The following TTC3 variants were observed in gnomAD, a reference collection of about 807,000 sequenced individuals.
The protein encoded by TTC3 is tetratricopeptide repeat domain 3, also known as E3 ubiquitin-protein ligase TTC3.
In TTC3, 180 loss-of-function variants were observed where a neutral mutation model predicts 249.6. The ratio of observed to expected loss-of-function variants is 0.72; its 90% CI spans 0.64 to 0.82. TTC3 has a LOEUF of 0.82. Ranked by LOEUF, TTC3 falls within the 40% of genes least tolerant of loss-of-function variation. The pLI, the probability that TTC3 is intolerant of heterozygous loss-of-function variation, is 0.00. For synonymous variants in TTC3, 717 were observed against 805.0 expected, an observed-to-expected ratio of 0.89 and a Z score of 1.85; for missense variants, 2,061 against 2,398.4, an observed-to-expected ratio of 0.86 and a Z score of 2.94.
At chr21:37,121,671 C>T in intron 11 of TTC3, 146 bp from the exon 12 acceptor site, 1 of 710,014 alleles carries the variant, frequency 1.4e-6, no homozygotes, top group South Asian at 3.3e-5. Flanking sequence ...GAGGTATTAA[C>T]ATTTTACATT....
intron 1 of TTC3, among the ~76,000 whole-genome samples, chr21:37,077,118 CAG>C (rs1272139098): frequency 1.3e-5 from 2 of 150,006 alleles, no homozygotes; most frequent in East Asian, 2.0e-4. Flanking sequence ...TTTATGTTAT[CAG>C]GGTATATTTT....
intron 1 of TTC3, among the ~76,000 whole-genome samples, chr21:37,078,527 A>G (rs897548455): frequency 6.6e-6 from 1 of 151,858 alleles, no homozygotes; most frequent in Non-Finnish European, 1.5e-5. Context: ...TTCTGATGTT[A>G]TTGTTTTTGT....
At chr21:37,167,662 C>T (rs764354614) in intron 34 of TTC3, 42 bp downstream of exon 34, 1 of 1,498,252 alleles carries the variant, frequency 6.7e-7, no homozygotes, top group Non-Finnish European at 9.2e-7. Flanking sequence ...GTTTAGTTTT[C>T]ATTAATTTAT....
intron 35 of TTC3, among the ~76,000 whole-genome samples, chr21:37,178,568 A>T (rs2082467204): frequency 6.6e-6 from 1 of 152,168 alleles, no homozygotes; most frequent in Non-Finnish European, 1.5e-5. Flanking sequence ...GCATCTTTTC[A>T]TATGCTTATT....
intron 31 of TTC3, 74 bp from the exon 32 acceptor site, chr21:37,163,977 C>T (rs2081013164): frequency 6.8e-7 from 1 of 1,477,952 alleles, no homozygotes; most frequent in African/African-American, 1.4e-5. Flanking sequence ...TTCAATTAGA[C>T]ATTCTTCTGG....
intron 17 of TTC3, 127 bp from the exon 18 acceptor site, chr21:37,135,253 G>T (rs938467890): frequency 1.0e-5 from 10 of 981,458 alleles, no homozygotes; most frequent in African/African-American, 9.9e-5. Flanking sequence ...GATGAATAAG[G>T]GTAGTTTGGG....
At chr21:37,120,589 T>C (rs1187931934) in intron 11 of TTC3, among the ~76,000 whole-genome samples, 1 of 152,202 alleles carries the variant, frequency 6.6e-6, no homozygotes, top group African/African-American at 2.4e-5. Flanking sequence ...TCTTATACTT[T>C]AGGTGTCAGG....
At chr21:37,178,391 C>T (rs1173014644) in intron 35 of TTC3, among the ~76,000 whole-genome samples, 2 of 152,118 alleles carry the variant, frequency 1.3e-5, no homozygotes, top group African/African-American at 4.8e-5. Flanking sequence ...TGAGGAACTG[C>T]GAGCCTGTTC....
At chr21:37,139,363 C>T (rs886232032) in intron 19 of TTC3, among the ~76,000 whole-genome samples, 7 of 152,132 alleles carry the variant, frequency 4.6e-5, no homozygotes, top group African/African-American at 7.2e-5. Context: ...ATGCTCCTGC[C>T]TGGCTCTCCT....
At chr21:37,077,550 G>A (rs2071069570) in intron 1 of TTC3, among the ~76,000 whole-genome samples, 1 of 152,170 alleles carries the variant, frequency 6.6e-6, no homozygotes, top group African/African-American at 2.4e-5. Flanking sequence ...TATATACTTT[G>A]ATCAACAGTG....
chr21:37,150,749 T>A, intron 24 of TTC3, 71 bp from the exon 25 acceptor site: 1 of 966,156 alleles, frequency 1.0e-6, no homozygotes, highest in Non-Finnish European at 1.7e-6. Context: ...GAAATACTTG[T>A]TACTTGTGGT....
At chr21:37,129,224 A>G in intron 16 of TTC3, among the ~76,000 whole-genome samples, 161 bp downstream of exon 16, 1 of 152,228 alleles carries the variant, frequency 6.6e-6, no homozygotes, top group East Asian at 1.9e-4. Flanking sequence ...AGGAAAGGAT[A>G]ATTTTTGGCT....
At chr21:37,157,132 A>G (rs2080178034) in intron 28 of TTC3, 2 of 1,432,456 alleles carry the variant, frequency 1.4e-6, no homozygotes, top group Non-Finnish European at 1.9e-6. Context: ...ATGTTATGCT[A>G]ACAATACACA....
At chr21:37,165,890 T>G (rs1159918189) in exon 33 of TTC3, 1 of 1,614,112 alleles carries the variant, frequency 6.2e-7, no homozygotes, top group Non-Finnish European at 8.5e-7. Context: ...AGTGTCAGAT[T>G]CATCTTCAGC....
At position 37,184,580 on chromosome 21, in the gene TTC3, G is replaced by A. The variant is rs558602557; in HGVS notation, c.4758-1126G>A. ...AGCAATTCTCCTGTCTCAGCCTCCC[G>A]AGTAACTGGGATTACAGGTGCCCAC... On this transcript the variant is annotated intron_variant, in intron 36 of 45. Transcript: ENST00000355666. 4.0e-5 allele frequency among the ~76,000 whole-genome samples: 6 copies of A among 149,366 alleles called. 1 individual carries two copies. The highest frequency in any genetic ancestry group is 9.8e-5 in the African/African-American group (4 of 40,680).
intron 2 of TTC3, among the ~76,000 whole-genome samples, 188 bp from the exon 3 acceptor site, chr21:37,087,645 G>C (rs2072679675): frequency 6.6e-6 from 1 of 152,110 alleles, no homozygotes; most frequent in African/African-American, 2.4e-5. Context: ...CTCTTGGGGA[G>C]AGCCATAGAA....
intron 29 of TTC3, 135 bp from the exon 30 acceptor site, chr21:37,160,667 G>A: frequency 2.4e-6 from 2 of 841,332 alleles, no homozygotes; most frequent in South Asian, 3.2e-5. Context: ...CTGATACACT[G>A]TAGTGTTATT....
At chr21:37,095,297 C>A in intron 8 of TTC3, 53 bp from the exon 9 acceptor site, 1 of 1,215,386 alleles carries the variant, frequency 8.2e-7, no homozygotes. Context: ...GTATTGGGTT[C>A]TTGATGATTT....
At chr21:37,177,036 G>A (rs563113720) in intron 35 of TTC3, among the ~76,000 whole-genome samples, 1 of 152,264 alleles carries the variant, frequency 6.6e-6, no homozygotes, top group Non-Finnish European at 1.5e-5. Context: ...GGATCAGCTG[G>A]TCCTGCTTGG....
Sources: gnomAD v4.1 joint callset for allele counts (sites outside exome capture counted in the v4.1 genomes callset) on GRCh38, gnomAD v4.1.1 for gene constraint, MANE v1.5 for transcripts, NCBI Gene and HGNC (gene_info 2026-07-23, HGNC 2026-07-21) for gene names.